PTPRN2: variants seen among roughly 807,000 people sequenced by gnomAD.
PTPRN2 encodes receptor-type tyrosine-protein phosphatase N2.
Under a neutral mutation model 118.8 loss-of-function variants are expected in PTPRN2, and 74 were observed. The ratio of observed to expected loss-of-function variants is 0.62; its 90% CI spans 0.52 to 0.76. The LOEUF (loss-of-function observed/expected upper bound fraction) is 0.76, where lower values mean the gene tolerates loss of function less well. PTPRN2 is among the 30% of genes least tolerant of loss of function. PTPRN2 has a pLI of 0.00. For synonymous variants in PTPRN2, 641 were observed against 608.0 expected, an observed-to-expected ratio of 1.05 and a Z score of -0.80; for missense variants, 1,481 against 1,394.4, an observed-to-expected ratio of 1.06 and a Z score of -0.99.
intron 1 of PTPRN2, among the ~76,000 whole-genome samples, chr7:158,518,436 T>C (rs1451795221): frequency 6.6e-6 from 1 of 152,172 alleles, no homozygotes; most frequent in Non-Finnish European, 1.5e-5. Context: ...CCATACTCAG[T>C]AGCTCAGGTG....
chr7:158,332,881 A>C (rs1213800541), intron 2 of PTPRN2, among the ~76,000 whole-genome samples: 1 of 117,480 alleles, frequency 8.5e-6, no homozygotes, highest in Non-Finnish European at 1.8e-5. Context: ...CACCATAAGA[A>C]GTGACACCTG....
chr7:157,839,239 C>T lies in PTPRN2; in HGVS notation c.1788+59434G>A, dbSNP rs112108066. On this transcript the variant is annotated intron_variant, in intron 12 of 22. Transcript: ENST00000389418. ...GTGAGTTGACTGAAGCATGTATAGT[C>T]GTATGTGTATCTGAGTGTGTTTGAA... Among the ~76,000 whole-genome samples, 16 of 152,294 alleles carry T rather than the reference C, an allele frequency of 1.1e-4. 2 individuals are homozygous for T. Among genetic ancestry groups the T allele is most frequent in the African/African-American group, 3.6e-4 (15 of 41,562 alleles).
intron 2 of PTPRN2, among the ~76,000 whole-genome samples, chr7:158,341,797 C>T (rs796103636): frequency 2.2e-5 from 3 of 139,296 alleles, no homozygotes; most frequent in Middle Eastern, 4.4e-3. Flanking sequence ...CTCACACCCA[C>T]ACTCTCACCG....
intron 11 of PTPRN2, among the ~76,000 whole-genome samples, chr7:158,037,975 G>C (rs760497200): frequency 6.6e-6 from 1 of 152,182 alleles, no homozygotes; most frequent in Non-Finnish European, 1.5e-5. Context: ...GTCTGAATCC[G>C]CTAACCTCCC....
intron 3 of PTPRN2, among the ~76,000 whole-genome samples, chr7:158,239,094 C>G (rs1398379387): frequency 1.3e-5 from 2 of 152,200 alleles, no homozygotes; most frequent in Non-Finnish European, 2.9e-5. Context: ...CCACAGCCCC[C>G]ATCACCCCGG....
chr7:157,709,313 G>C (rs1563023441), intron 12 of PTPRN2, among the ~76,000 whole-genome samples: 1 of 152,342 alleles, frequency 6.6e-6, no homozygotes, highest in African/African-American at 2.4e-5. Flanking sequence ...TCTGAAATGA[G>C]CTGCTTACTT....
chr7:158,259,866 C>A (rs1797277489), intron 3 of PTPRN2, among the ~76,000 whole-genome samples: 1 of 148,394 alleles, frequency 6.7e-6, no homozygotes. Flanking sequence ...CCCTGGTGTA[C>A]ATGTATGTGC....
At chr7:158,331,514 ACATCACTCACACCCACACT>A (rs1449932026) in intron 2 of PTPRN2, among the ~76,000 whole-genome samples, 10 of 147,520 alleles carry the variant, frequency 6.8e-5, no homozygotes, top group African/African-American at 1.0e-4. Flanking sequence ...TCACCCACAG[ACATCACTCACACCCACACT>A]GTCACCATAA....
intron 11 of PTPRN2, among the ~76,000 whole-genome samples, chr7:157,910,516 G>A (rs1798040473): frequency 6.7e-6 from 1 of 149,182 alleles, no homozygotes; most frequent in African/African-American, 2.5e-5. Flanking sequence ...CGTGGGAACG[G>A]GTCCAGGATC....
chr7:158,465,167 T>A (rs1819302056), intron 2 of PTPRN2, among the ~76,000 whole-genome samples: 1 of 152,326 alleles, frequency 6.6e-6, no homozygotes, highest in South Asian at 2.1e-4. Flanking sequence ...GTGGAGATAC[T>A]AAGAGTGCCC....
At chr7:158,184,628 A>T (rs1344890948) in intron 5 of PTPRN2, among the ~76,000 whole-genome samples, 1 of 152,164 alleles carries the variant, frequency 6.6e-6, no homozygotes, top group Non-Finnish European at 1.5e-5. Flanking sequence ...CCTGGCCAAC[A>T]TGGTGAAACC....
chr7:158,098,894 G>T lies in PTPRN2; in HGVS notation c.1643+11935C>A, dbSNP rs535850727. On this transcript the variant is annotated intron_variant, in intron 10 of 22. Transcript: ENST00000389418. The stretch of plus-strand genomic sequence containing the variant: ...AAGATGGTAGAAGGTGACAGTGCGG[G>T]GTGCAGCGTTCCTGGGTCCTTGAGG... Among the ~76,000 whole-genome samples, 5 of 152,000 alleles carry T rather than the reference G, an allele frequency of 3.3e-5. No homozygotes were observed. The South Asian group carries it at 6.2e-4, about 19-fold the overall frequency.
At chr7:158,347,815 G>C (rs1274353486) in intron 2 of PTPRN2, among the ~76,000 whole-genome samples, 1 of 152,146 alleles carries the variant, frequency 6.6e-6, no homozygotes, top group Non-Finnish European at 1.5e-5. Context: ...AGGTCTCACC[G>C]TCTGGGTTAA....
At chr7:157,908,770 T>C (rs1055200355) in intron 11 of PTPRN2, among the ~76,000 whole-genome samples, 4 of 152,250 alleles carry the variant, frequency 2.6e-5, no homozygotes, top group African/African-American at 9.6e-5. Flanking sequence ...ATTTAAATAC[T>C]TTTGATTGAA....
intron 12 of PTPRN2, among the ~76,000 whole-genome samples, chr7:157,799,834 TC>T (rs1805124895): frequency 1.3e-5 from 1 of 79,114 alleles, no homozygotes; most frequent in East Asian, 3.4e-4. Context: ...GCCGGCCCCC[TC>T]CATCCCTCAG....
intron 17 of PTPRN2, among the ~76,000 whole-genome samples, chr7:157,586,351 C>T (rs1273409849): frequency 6.6e-6 from 1 of 152,302 alleles, no homozygotes; most frequent in East Asian, 1.9e-4. Flanking sequence ...TCAGTGAGAT[C>T]CACAGACGGT....
At chr7:157,762,177 T>A (rs1384508542) in intron 12 of PTPRN2, among the ~76,000 whole-genome samples, 5 of 152,042 alleles carry the variant, frequency 3.3e-5, no homozygotes, top group Admixed American at 3.3e-4. Context: ...ATTGTGGAAG[T>A]CAGTGTGGCG....
intron 9 of PTPRN2, among the ~76,000 whole-genome samples, chr7:158,127,068 C>T (rs1243494191): frequency 6.6e-6 from 1 of 152,214 alleles, no homozygotes; most frequent in Non-Finnish European, 1.5e-5. Context: ...AACATTTCAG[C>T]TGCAGCTGTC....
rs150021453 is a variant in PTPRN2 at position 158,447,970 on chromosome 7, G to A, written c.163+41765C>T. ...CCAGCAGGACACAGGCCCTCAGCCCGGCATCATCGTCAGCCCGAGGATGCT... is the reference window on the plus strand; with the variant it reads ...CCAGCAGGACACAGGCCCTCAGCCCAGCATCATCGTCAGCCCGAGGATGCT... On this transcript the variant is annotated intron_variant, in intron 2 of 22. Transcript: ENST00000389418. 5.8e-4 allele frequency among the ~76,000 whole-genome samples: 88 copies of A among 152,324 alleles called. 4 individuals carry two copies. In the East Asian group the frequency reaches 0.016, roughly 28 times the overall value.
Sources: gnomAD v4.1 joint callset for allele counts (sites outside exome capture counted in the v4.1 genomes callset) on GRCh38, gnomAD v4.1.1 for gene constraint, MANE v1.5 for transcripts, NCBI Gene and HGNC (gene_info 2026-07-23, HGNC 2026-07-21) for gene names.